The following ZNF248 variants were observed in gnomAD, a reference collection of about 807,000 sequenced individuals.
ZNF248 encodes zinc finger protein 248.
In ZNF248, 20 loss-of-function variants were observed where a neutral mutation model predicts 44.3. That is an observed-to-expected ratio of 0.45 (90% CI 0.32 to 0.66). The LOEUF (loss-of-function observed/expected upper bound fraction) is 0.66, where lower values mean the gene tolerates loss of function less well. ZNF248 is among the 30% of genes least tolerant of loss of function. ZNF248 has a pLI of 0.04. For missense variants in ZNF248, 654 were observed against 677.0 expected (o/e 0.97, Z 0.38); for synonymous variants, 224 against 229.0 (o/e 0.98, Z 0.20).
In ZNF248 at chr10:37,856,772, G is replaced by A; in HGVS notation, c.-125-240C>T. ...AGTTTAAAAATGTTTGTTCTAACTT[G>A]CTAACAATTCCTCAAAAGGATCTTT... is the stretch of plus-strand genomic sequence containing the variant. On this transcript the variant is annotated intron_variant, in intron 1 of 5. Transcript: ENST00000395867. 10 of 962,246 alleles carry A rather than the reference G, an allele frequency of 1.0e-5. No homozygotes were observed. In the South Asian group the frequency reaches 4.8e-4, roughly 46 times the overall value. The allele number at this position is 962,246 out of a possible 1,614,324, so 59.6% of individuals were successfully genotyped here.
At chr10:37,820,656 T>G in intron 6 of ZNF248, 1 of 1,475,460 alleles carries the variant, frequency 6.8e-7, no homozygotes. Flanking sequence ...GCTTTTCTTT[T>G]CCACTTTCGC....
chr10:37,825,017 A>C (rs2054153509), downstream of ZNF248, among the ~76,000 whole-genome samples: 1 of 151,986 alleles, frequency 6.6e-6, no homozygotes. Context: ...AAGTAATTTG[A>C]AAACTTAAAA....
intron 5 of ZNF248, among the ~76,000 whole-genome samples, chr10:37,835,100 A>T (rs1183383245): frequency 6.6e-6 from 1 of 152,142 alleles, no homozygotes; most frequent in Non-Finnish European, 1.5e-5. Flanking sequence ...TGTTAAGCTA[A>T]AGGAAGATAA....
At chr10:37,795,572 T>C (rs1174921532) in intron 6 of ZNF248, 1 of 152,154 alleles carries the variant, frequency 6.6e-6, no homozygotes. Context: ...AAATCCTTAG[T>C]GTGGCCCCAA....
intron 5 of ZNF248, among the ~76,000 whole-genome samples, chr10:37,834,826 G>C (rs1160099764): frequency 6.6e-6 from 1 of 152,132 alleles, no homozygotes; most frequent in East Asian, 1.9e-4. Context: ...AAGTTTTCCA[G>C]TAAATGAGAA....
At chr10:37,851,222 A>C (rs1460385864) in intron 3 of ZNF248, among the ~76,000 whole-genome samples, 2 of 152,238 alleles carry the variant, frequency 1.3e-5, no homozygotes, top group East Asian at 3.8e-4. Context: ...CTATCTGCCT[A>C]AAAGCAGGAC....
chr10:37,845,991 C>A (rs923073938), intron 3 of ZNF248, among the ~76,000 whole-genome samples: 2 of 152,130 alleles, frequency 1.3e-5, no homozygotes, highest in Admixed American at 6.5e-5. Flanking sequence ...GGGCAGCTGG[C>A]GAAATCAATG....
At chr10:37,854,376 A>T (rs538796046) in intron 3 of ZNF248, among the ~76,000 whole-genome samples, 76 of 152,138 alleles carry the variant, frequency 5.0e-4, no homozygotes, top group Non-Finnish European at 9.7e-4. Flanking sequence ...ACTGGGGGGG[A>T]AAAAAGACCA....
At chr10:37,794,074 C>G (rs987934937) in intron 6 of ZNF248, among the ~76,000 whole-genome samples, 4 of 152,036 alleles carry the variant, frequency 2.6e-5, no homozygotes, top group African/African-American at 4.8e-5. Flanking sequence ...TTGATGTTCA[C>G]GGCTGCATTT....
chr10:37,776,553 C>A, exon 7 of ZNF248: 1 of 398,486 alleles, frequency 2.5e-6, no homozygotes, highest in Non-Finnish European at 4.4e-6. Context: ...GAACTGCTTT[C>A]TTCCGAGGAG....
At chr10:37,797,971 G>T (rs573334356) in intron 6 of ZNF248, among the ~76,000 whole-genome samples, 1 of 152,028 alleles carries the variant, frequency 6.6e-6, no homozygotes, top group Non-Finnish European at 1.5e-5. Flanking sequence ...TATATCCAGA[G>T]AATTAAAACC....
At position 37,777,650 on chromosome 10, in the gene ZNF248, G is replaced by C. The variant is rs546446282; in HGVS notation, c.331-1075C>G. 2.2e-4 allele frequency among the ~76,000 whole-genome samples: 32 copies of C among 147,696 alleles called. No homozygotes were observed. The South Asian group carries it at 5.9e-3, about 27-fold the overall frequency. On this transcript the variant is annotated intron_variant, in intron 6 of 6. Transcript: ENST00000615949. ...GCTGCACCCACCAACTCGTCATCTAGCATTAGGTATATCTCCCAATGCTAT... is the reference window on the plus strand; with the variant it reads ...GCTGCACCCACCAACTCGTCATCTACCATTAGGTATATCTCCCAATGCTAT...
chr10:37,759,997 G>A, the ZNF248 span, among the ~76,000 whole-genome samples: 1 of 152,154 alleles, frequency 6.6e-6, no homozygotes, highest in Non-Finnish European at 1.5e-5. Flanking sequence ...TGGTTCTGAG[G>A]AGCAGAGCTG....
intron 6 of ZNF248, among the ~76,000 whole-genome samples, chr10:37,780,910 G>A (rs111688369): frequency 0.015 from 2,270 of 152,274 alleles, 61 homozygotes; most frequent in African/African-American, 0.051. Flanking sequence ...TGCAAGGAAC[G>A]GAAGCACAGG....
intron 6 of ZNF248, among the ~76,000 whole-genome samples, chr10:37,822,409 C>T (rs780609413): frequency 1.3e-5 from 2 of 151,768 alleles, no homozygotes; most frequent in Non-Finnish European, 2.9e-5. Flanking sequence ...ATATATTAAA[C>T]AAAAATGAAA....
At position 37,831,354 on chromosome 10, in the gene ZNF248, C is replaced by A; in HGVS notation, c.*261G>T. 2 of 1,546,966 alleles carry A rather than the reference C, an allele frequency of 1.3e-6. No individual in the cohort carries two copies. Among genetic ancestry groups the A allele is most frequent in the Non-Finnish European group, 1.7e-6 (2 of 1,145,426 alleles). On this transcript the variant is annotated 3_prime_UTR_variant, in exon 6 of 6. Coordinates refer to ENST00000395867, the MANE Select transcript of ZNF248 (RefSeq NM_021045.3). ...AAATAAATATTGTCCATTATATTTG[C>A]AACAAAATTTTGGTATCACGTCTGG...
intron 6 of ZNF248, among the ~76,000 whole-genome samples, chr10:37,785,630 GTA>G (rs1216654520): frequency 2.0e-5 from 3 of 152,148 alleles, no homozygotes; most frequent in Non-Finnish European, 4.4e-5. Context: ...CTGTGACAGA[GTA>G]TCAGAGGAAA....
At chr10:37,813,046 T>C (rs982017945) in intron 6 of ZNF248, among the ~76,000 whole-genome samples, 1 of 140,290 alleles carries the variant, frequency 7.1e-6, no homozygotes, top group Admixed American at 7.2e-5. Context: ...AAAAAGGTGG[T>C]GGAAGCAGGA....
chr10:37,849,341 T>C (rs1028597770), intron 3 of ZNF248, among the ~76,000 whole-genome samples: 8 of 150,622 alleles, frequency 5.3e-5, no homozygotes, highest in Non-Finnish European at 7.4e-5. Context: ...TTTAAAAACA[T>C]GGTTAAATTG....
Sources: gnomAD v4.1 joint callset for allele counts (sites outside exome capture counted in the v4.1 genomes callset) on GRCh38, gnomAD v4.1.1 for gene constraint, MANE v1.5 for transcripts, NCBI Gene and HGNC (gene_info 2026-07-23, HGNC 2026-07-21) for gene names.